Variants in ZFHX3 observed in about 807,000 individuals in gnomAD.
ZFHX3 encodes zinc finger homeobox protein 3.
Under a neutral mutation model 279.1 loss-of-function variants are expected in ZFHX3, and 42 were observed. That is an observed-to-expected ratio of 0.15 (90% confidence interval 0.12 to 0.19). ZFHX3 has a LOEUF of 0.19. Ranked by LOEUF, ZFHX3 falls within the 10% of genes least tolerant of loss-of-function variation. ZFHX3 has a pLI of 1.00. For synonymous variants in ZFHX3, 2,293 were observed against 1,957.8 expected, an observed-to-expected ratio of 1.17 and a Z score of -4.52; for missense variants, 4,981 against 4,754.0, an observed-to-expected ratio of 1.05 and a Z score of -1.40.
At chr16:72,887,129 AT>A (rs1221687038) in intron 4 of ZFHX3, among the ~76,000 whole-genome samples, 5 of 152,196 alleles carry the variant, frequency 3.3e-5, no homozygotes, top group African/African-American at 1.2e-4. Flanking sequence ...TCATTTGGGA[AT>A]TGCTGTTTCA....
chr16:73,683,907 C>A (rs377239497), intron 1 of ZFHX3, among the ~76,000 whole-genome samples: 7 of 152,230 alleles, frequency 4.6e-5, no homozygotes, highest in East Asian at 3.8e-4. Flanking sequence ...AGTAATATTT[C>A]TTGTTTGTGG....
At chr16:73,281,556 T>C (rs2014458208) in intron 4 of ZFHX3, among the ~76,000 whole-genome samples, 1 of 152,200 alleles carries the variant, frequency 6.6e-6, no homozygotes, top group Admixed American at 6.5e-5. Flanking sequence ...TGCCTGTGCC[T>C]ATAGCTAACA....
In ZFHX3 at chr16:72,798,061, G is replaced by C. The variant is rs756202104; in HGVS notation, c.4621C>G (p.Pro1541Ala). 1 of 1,614,142 alleles carries C rather than the reference G, an allele frequency of 6.2e-7. No individual in the cohort carries two copies. The highest frequency in any genetic ancestry group is 2.2e-5 in the East Asian group (1 of 44,876). The change falls in exon 9 of 10, where the codon CCT (proline) becomes GCT (alanine). Residue 1541 changes from proline to alanine, a missense_variant. By Grantham distance (27) the Pro-to-Ala change is conservative. Coordinates refer to ENST00000268489, the MANE Select transcript of ZFHX3 (RefSeq NM_006885.4). ...PNFTMEKFLDPSRPYKCTVCK... is the reference protein window; with the variant it reads ...PNFTMEKFLDASRPYKCTVCK... The stretch of plus-strand genomic sequence containing the variant: ...ACGGTACACTTGTAAGGGCGAGAAG[G>C]GTCTAGGAACTTTTCCATAGTAAAA...
intron 1 of ZFHX3, among the ~76,000 whole-genome samples, chr16:73,887,857 T>A (rs2142420971): frequency 6.6e-6 from 1 of 151,848 alleles, no homozygotes; most frequent in South Asian, 2.1e-4. Flanking sequence ...AATCTGAATT[T>A]TTTTTAAAAA....
intron 2 of ZFHX3, among the ~76,000 whole-genome samples, chr16:73,652,029 G>C (rs2052677099): frequency 6.6e-6 from 1 of 152,074 alleles, no homozygotes; most frequent in Non-Finnish European, 1.5e-5. Flanking sequence ...CTCTACACAG[G>C]GACAGGATAG....
upstream of ZFHX3, chr16:73,048,524 C>T (rs973944769): frequency 1.3e-5 from 2 of 152,254 alleles, no homozygotes; most frequent in African/African-American, 2.4e-5. Flanking sequence ...AAGCCCAGGC[C>T]CTCCCGGAGG....
At chr16:73,286,456 T>C (rs142093705) in intron 4 of ZFHX3, among the ~76,000 whole-genome samples, 445 of 152,316 alleles carry the variant, frequency 2.9e-3, no homozygotes, top group Non-Finnish European at 4.9e-3. Context: ...AAGACTTGAT[T>C]TGAAATCAAA....
chr16:72,979,210 C>A (rs928378303), intron 1 of ZFHX3, among the ~76,000 whole-genome samples: 4 of 152,244 alleles, frequency 2.6e-5, no homozygotes, highest in Admixed American at 6.5e-5. Context: ...CACCCAACAA[C>A]AGCGCTCCTG....
At chr16:73,651,497 A>T (rs1158679822) in intron 2 of ZFHX3, among the ~76,000 whole-genome samples, 1 of 151,978 alleles carries the variant, frequency 6.6e-6, no homozygotes, top group Admixed American at 6.6e-5. Context: ...ATGAAACTAC[A>T]GAATACTAAA....
Position 72,959,948 on chromosome 16 carries a change from C to T in ZFHX3, c.198G>A (p.Ala66=), listed in dbSNP as rs143119253. 4,188 of 1,604,566 alleles carry T rather than the reference C, an allele frequency of 2.6e-3. 7 individuals carry two copies. The highest frequency in any genetic ancestry group is 3.3e-3 in the Non-Finnish European group (3,867 of 1,175,276). Residue 66 remains alanine, a synonymous_variant, in exon 2 of 10, where the codon GCG becomes GCA. Coordinates refer to ENST00000268489, the MANE Select transcript of ZFHX3 (RefSeq NM_006885.4). ...CGGGCTCGGAGGGGGGCCCGGCCGA[C>T]GCGGTGCTCTCCGCGAGGCGCTCAT... ...PFNERLAEST[A]SAGPPSEPAS...
At chr16:73,715,770 C>T (rs984304356) in intron 1 of ZFHX3, among the ~76,000 whole-genome samples, 1 of 151,742 alleles carries the variant, frequency 6.6e-6, no homozygotes, top group Non-Finnish European at 1.5e-5. Context: ...GTCGGGGTTT[C>T]ACCATCTTGG....
At chr16:73,156,939 C>T (rs1967100907) in intron 5 of ZFHX3, among the ~76,000 whole-genome samples, 2 of 152,186 alleles carry the variant, frequency 1.3e-5, no homozygotes, top group African/African-American at 4.8e-5. Context: ...GTCTCTATCT[C>T]CTGACCTCGT....
chr16:73,413,740 T>C (rs1240856361), intron 3 of ZFHX3, among the ~76,000 whole-genome samples: 1 of 152,220 alleles, frequency 6.6e-6, no homozygotes, highest in Non-Finnish European at 1.5e-5. Flanking sequence ...TTTGCATACC[T>C]AGGGGCATTG....
intron 1 of ZFHX3, among the ~76,000 whole-genome samples, chr16:73,793,737 T>C (rs1171921008): frequency 1.3e-5 from 2 of 152,232 alleles, no homozygotes; most frequent in African/African-American, 4.8e-5. Flanking sequence ...AGGTTTGGAA[T>C]GAAGAGGAAT....
chr16:73,429,821 C>T (rs1027767026), intron 3 of ZFHX3, among the ~76,000 whole-genome samples: 1 of 152,186 alleles, frequency 6.6e-6, no homozygotes, highest in East Asian at 1.9e-4. Context: ...ACCATCCTCG[C>T]TCCCCCACAG....
At chr16:73,466,009 T>C (rs2018564406) in intron 2 of ZFHX3, among the ~76,000 whole-genome samples, 1 of 151,554 alleles carries the variant, frequency 6.6e-6, no homozygotes. Flanking sequence ...AAAGAAAATG[T>C]GGTAAAACAC....
intron 2 of ZFHX3, among the ~76,000 whole-genome samples, chr16:73,564,032 G>C (rs1229186814): frequency 6.6e-6 from 1 of 152,168 alleles, no homozygotes; most frequent in Non-Finnish European, 1.5e-5. Flanking sequence ...ATCCAAAGCA[G>C]GACACACACT....
At chr16:73,028,646 G>T (rs573866879) in intron 1 of ZFHX3, among the ~76,000 whole-genome samples, 4 of 152,330 alleles carry the variant, frequency 2.6e-5, no homozygotes, top group Admixed American at 2.6e-4. Context: ...CGCTCGGAGG[G>T]ATTCTCAAGC....
intron 2 of ZFHX3, among the ~76,000 whole-genome samples, chr16:73,637,653 T>C (rs2052539660): frequency 6.6e-6 from 1 of 152,188 alleles, no homozygotes; most frequent in African/African-American, 2.4e-5. Flanking sequence ...TATATCACTA[T>C]TTACAATTAA....
Sources: gnomAD v4.1 joint callset for allele counts (sites outside exome capture counted in the v4.1 genomes callset) on GRCh38, gnomAD v4.1.1 for gene constraint, MANE v1.5 for transcripts, NCBI Gene and HGNC (gene_info 2026-07-23, HGNC 2026-07-21) for gene names.